UBASH3B: variants seen among roughly 807,000 people sequenced by gnomAD.
The protein encoded by UBASH3B is ubiquitin associated and SH3 domain containing B, also known as ubiquitin-associated and SH3 domain-containing protein B.
A neutral mutation model predicts 83.4 loss-of-function variants in UBASH3B; 37 were observed. The ratio of observed to expected loss-of-function variants is 0.44; its 90% CI spans 0.34 to 0.58. The LOEUF (loss-of-function observed/expected upper bound fraction) is 0.58, where lower values mean the gene tolerates loss of function less well. Ranked by LOEUF, UBASH3B falls within the 20% of genes least tolerant of loss-of-function variation. The pLI, the probability that UBASH3B is intolerant of heterozygous loss-of-function variation, is 0.01. For missense variants in UBASH3B, 657 were observed against 827.2 expected, an observed-to-expected ratio of 0.79 and a Z score of 2.52; for synonymous variants, 304 against 318.3, an observed-to-expected ratio of 0.96 and a Z score of 0.48.
rs74727507 is a variant in UBASH3B, at chr11:122,710,412, C to T, written c.161+54202C>T. 6.6e-4 allele frequency among the ~76,000 whole-genome samples: 100 copies of T among 152,268 alleles called. 2 individuals carry two copies. The East Asian group carries it at 0.017, about 25-fold the overall frequency. ...GCCAGGCATTGTGCTGCCTTCTGCA[C>T]ACATTATCTCTGTGTCATCACAACC... is the stretch of plus-strand genomic sequence containing the variant. On this transcript the variant is annotated intron_variant, in intron 1 of 13. Transcript: ENST00000284273.
chr11:122,766,500 G>C (rs566707839), intron 1 of UBASH3B, among the ~76,000 whole-genome samples: 1 of 152,116 alleles, frequency 6.6e-6, no homozygotes, highest in African/African-American at 2.4e-5. Flanking sequence ...AGCCGAGATC[G>C]CGCCACTGCA....
chr11:122,766,488 T>C (rs892049282), intron 1 of UBASH3B, among the ~76,000 whole-genome samples: 3 of 152,070 alleles, frequency 2.0e-5, no homozygotes, highest in Admixed American at 6.5e-5. Flanking sequence ...GAGCTTGCAG[T>C]GAGCCGAGAT....
At chr11:122,733,397 G>A (rs539356837) in intron 1 of UBASH3B, among the ~76,000 whole-genome samples, 2 of 152,350 alleles carry the variant, frequency 1.3e-5, no homozygotes, top group African/African-American at 4.8e-5. Flanking sequence ...GGAAAGAGGA[G>A]TCTTAACATC....
rs551803048 is a variant in UBASH3B, at chr11:122,786,652, G to A, written c.772-2448G>A. Among the ~76,000 whole-genome samples the A allele has an allele frequency of 1.3e-3, 200 of 152,138 alleles. 1 individual carries two copies. Among genetic ancestry groups the A allele is most frequent in the Middle Eastern group, 6.8e-3 (2 of 294 alleles). The stretch of plus-strand genomic sequence containing the variant: ...AGCCTGGGCGACAGAGCGAGACTCC[G>A]TCTCACACAAAAAAAAGAGTTCTTA... On this transcript the variant is annotated intron_variant, in intron 5 of 13. Coordinates refer to ENST00000284273, the MANE Select transcript of UBASH3B (RefSeq NM_032873.5).
At chr11:122,683,604 C>CAA (rs35467373) in intron 1 of UBASH3B, among the ~76,000 whole-genome samples, 8 of 36,820 alleles carry the variant, frequency 2.2e-4, no homozygotes, top group Admixed American at 4.7e-4. Flanking sequence ...GACTCCTTCT[C>CAA]AAAAAAAAAA....
In UBASH3B at chr11:122,808,172, G is replaced by A. The variant is rs1367056090; in HGVS notation, c.1808G>A (p.Arg603Gln). The A allele has an allele frequency of 1.1e-5, 17 of 1,613,584 alleles. No homozygotes were observed. Among genetic ancestry groups the A allele is most frequent in the Non-Finnish European group, 1.4e-5 (16 of 1,179,658 alleles). ...TCCAAGGACTTCGTACAAATGGTCC[G>A]AAAGGTAATTCATTCTCGTACTTTG... ...QNSKDFVQMV[R>Q]KIPYLGFCSC... The change falls in exon 13 of 14, where the codon CGA (arginine) becomes CAA (glutamine). Residue 603 changes from arginine (R) to glutamine (Q), a missense_variant. Around this residue, in one of 3 missense-constraint regions of UBASH3B, gnomAD observed 573 missense variants for 739.0 expected, o/e 0.78. Transcript: ENST00000284273.
At chr11:122,740,030 C>T (rs547305352) in intron 1 of UBASH3B, among the ~76,000 whole-genome samples, 3 of 152,158 alleles carry the variant, frequency 2.0e-5, no homozygotes, top group East Asian at 1.9e-4. Flanking sequence ...ATGTTCCATA[C>T]GTCCTGACAT....
chr11:122,800,173 A>C (rs767400851), intron 10 of UBASH3B, among the ~76,000 whole-genome samples: 16 of 152,162 alleles, frequency 1.1e-4, no homozygotes, highest in Non-Finnish European at 2.1e-4. Context: ...CATGATATTC[A>C]AATACGATGT....
chr11:122,806,425 C>A lies in UBASH3B; in HGVS notation c.1611C>A (p.Ile537=), dbSNP rs1481927154. 5 of 1,602,548 alleles carry A rather than the reference C, an allele frequency of 3.1e-6. No homozygotes were observed. Among genetic ancestry groups the A allele is most frequent in the Non-Finnish European group, 4.2e-6 (5 of 1,176,652 alleles). The change falls in exon 12 of 14, where the codon ATC becomes ATA. Residue 537 remains isoleucine (I), a synonymous_variant. Coordinates refer to ENST00000284273, the MANE Select transcript of UBASH3B (RefSeq NM_032873.5). The surrounding 1 kb of genome is among the most constrained non-coding windows in gnomAD (Gnocchi z 4.0). ...TCTATTACAGACCTCACATTCCAAT[C>A]AGCAAATTAGTTGTTTCAGAATCCT... ...VDTTYRPHIP[I]SKLVVSESYD...
chr11:122,725,210 T>A (rs2135947490), intron 1 of UBASH3B, among the ~76,000 whole-genome samples: 1 of 151,524 alleles, frequency 6.6e-6, no homozygotes, highest in Admixed American at 6.6e-5. Flanking sequence ...CCTCAGGTGA[T>A]CCATCCACCT....
At chr11:122,782,240 CAA>C (rs60841034) in intron 4 of UBASH3B, 89 of 129,722 alleles carry the variant, frequency 6.9e-4, no homozygotes, top group Admixed American at 6.7e-4. Context: ...GACCCTGTCT[CAA>C]AAAAAAAAAA....
intron 6 of UBASH3B, among the ~76,000 whole-genome samples, chr11:122,793,798 G>A (rs1360308707): frequency 6.6e-6 from 1 of 152,166 alleles, no homozygotes; most frequent in African/African-American, 2.4e-5. Context: ...GGTGAGAATG[G>A]TCTTCTCTGA....
intron 13 of UBASH3B, among the ~76,000 whole-genome samples, chr11:122,808,962 G>A (rs1479739811): frequency 1.5e-5 from 2 of 134,306 alleles, no homozygotes; most frequent in Non-Finnish European, 3.2e-5. Context: ...GAATGTTGCA[G>A]AGACTCGTAA....
chr11:122,764,700 A>C (rs1439516814), intron 1 of UBASH3B, among the ~76,000 whole-genome samples: 2 of 152,248 alleles, frequency 1.3e-5, no homozygotes, highest in Non-Finnish European at 2.9e-5. Flanking sequence ...CAACTAACAG[A>C]CAGTGGTAGA....
chr11:122,656,651 G>C (rs1863368615), intron 1 of UBASH3B, among the ~76,000 whole-genome samples: 1 of 152,230 alleles, frequency 6.6e-6, no homozygotes, highest in Non-Finnish European at 1.5e-5. Context: ...CTGGGAAAGG[G>C]CGGGAGACTG....
chr11:122,755,548 C>T (rs1460637374), intron 1 of UBASH3B, among the ~76,000 whole-genome samples: 1 of 152,154 alleles, frequency 6.6e-6, no homozygotes, highest in East Asian at 1.9e-4. Flanking sequence ...GAAAATGGCT[C>T]TGCAGGGAAA....
chr11:122,762,361 G>A (rs771122626), intron 1 of UBASH3B, among the ~76,000 whole-genome samples: 7 of 152,148 alleles, frequency 4.6e-5, no homozygotes, highest in African/African-American at 7.2e-5. Context: ...CAGGGATAGC[G>A]CTAGTGACTT....
intron 1 of UBASH3B, among the ~76,000 whole-genome samples, chr11:122,708,500 G>T (rs929898537): frequency 3.3e-5 from 5 of 152,042 alleles, no homozygotes; most frequent in African/African-American, 1.2e-4. Flanking sequence ...CACCATGTTG[G>T]CCAGGCTGGT....
intron 1 of UBASH3B, among the ~76,000 whole-genome samples, chr11:122,680,019 T>TG (rs1301608913): frequency 6.6e-6 from 1 of 151,996 alleles, no homozygotes. Flanking sequence ...TTAGTAGAGA[T>TG]GGGGTTTCAC....
Sources: allele counts gnomAD v4.1 joint callset (sites outside exome capture counted in the v4.1 genomes callset), GRCh38; gene constraint gnomAD v4.1.1; regional missense constraint gnomAD v4.1.1; non-coding constraint Gnocchi (gnomAD v3.1); transcripts MANE v1.5; gene names NCBI Gene and HGNC (gene_info 2026-07-23, HGNC 2026-07-21).